The following TMEM132B variants were observed in gnomAD, a reference collection of about 807,000 sequenced individuals.
TMEM132B encodes the protein transmembrane protein 132B.
Under a neutral mutation model 90.8 loss-of-function variants are expected in TMEM132B, and 18 were observed. The ratio of observed to expected loss-of-function variants is 0.20; its 90% CI spans 0.14 to 0.29. The LOEUF (loss-of-function observed/expected upper bound fraction) is 0.29. TMEM132B is among the 10% of genes least tolerant of loss of function. The pLI, the probability that TMEM132B is intolerant of heterozygous loss-of-function variation, is 1.00. For synonymous variants in TMEM132B, 504 were observed against 523.3 expected, an observed-to-expected ratio of 0.96 and a Z score of 0.50; for missense variants, 1,096 against 1,326.8, an observed-to-expected ratio of 0.83 and a Z score of 2.70.
chr12:125,622,745 T>C (rs1886141295), intron 5 of TMEM132B: 1 of 771,158 alleles, frequency 1.3e-6, no homozygotes, highest in Non-Finnish European at 1.6e-6. Flanking sequence ...CTGGAGCAAG[T>C]GGTGGGGAGG....
chr12:125,201,861 C>T (rs908683721), intron 1 of TMEM132B, among the ~76,000 whole-genome samples: 11 of 152,186 alleles, frequency 7.2e-5, no homozygotes, highest in African/African-American at 2.7e-4. Context: ...TCAGTGAACA[C>T]CTACTATGTG....
chr12:125,451,662 A>C (rs1340952175), intron 3 of TMEM132B, among the ~76,000 whole-genome samples: 1 of 150,990 alleles, frequency 6.6e-6, no homozygotes, highest in Non-Finnish European at 1.5e-5. Context: ...ATGCTTTGGC[A>C]GTTACCTCGT....
At chr12:125,523,970 G>T (rs933357085) in intron 4 of TMEM132B, among the ~76,000 whole-genome samples, 2 of 152,310 alleles carry the variant, frequency 1.3e-5, no homozygotes, top group South Asian at 2.1e-4. Flanking sequence ...CCCCAGGGGG[G>T]ATGTGGACAG....
At chr12:125,373,080 G>A (rs325088) in intron 2 of TMEM132B, among the ~76,000 whole-genome samples, 95,723 of 152,172 alleles carry the variant, frequency 0.63, 30,929 homozygotes, top group East Asian at 0.94. Flanking sequence ...GCCACCTGAA[G>A]TGAAGTTATT....
At chr12:125,611,925 T>A (rs552408649) in intron 5 of TMEM132B, among the ~76,000 whole-genome samples, 96 of 152,204 alleles carry the variant, frequency 6.3e-4, no homozygotes, top group African/African-American at 2.3e-3. Flanking sequence ...GTCAAATTCG[T>A]TTATAATGTG....
intron 5 of TMEM132B, chr12:125,622,561 C>T (rs752664286): frequency 5.1e-6 from 5 of 985,256 alleles, no homozygotes; most frequent in African/African-American, 3.5e-5. Flanking sequence ...AAGCCTTCCT[C>T]GGTGACTTGC....
chr12:125,475,622 G>A (rs941373704), intron 3 of TMEM132B, among the ~76,000 whole-genome samples: 1 of 152,200 alleles, frequency 6.6e-6, no homozygotes, highest in African/African-American at 2.4e-5. Flanking sequence ...GATGTTTCCT[G>A]CCCTTGAACA....
rs190956082 is a variant in TMEM132B, at chr12:125,609,289, C to G, written c.1437+25295C>G. On this transcript the variant is annotated intron_variant, in intron 5 of 8. Transcript: ENST00000682704. The stretch of plus-strand genomic sequence containing the variant: ...ATTTCTATTCCATTGAATCATATGT[C>G]TATCTTATGTCAACATCACACTCTC... 1.6e-3 allele frequency among the ~76,000 whole-genome samples: 248 copies of G among 152,222 alleles called. 1 individual carries two copies. Among genetic ancestry groups the G allele is most frequent in the African/African-American group, 5.6e-3 (233 of 41,544 alleles).
Position 125,652,852 on chromosome 12 carries a change from C to A in TMEM132B, c.2106+220C>A, listed in dbSNP as rs148008525. Among the ~76,000 whole-genome samples, 27 of 152,354 alleles carry A rather than the reference C, an allele frequency of 1.8e-4. No individual in the cohort carries two copies. The East Asian group carries it at 4.2e-3, about 24-fold the overall frequency. ...TTTCCACGCTGACCACATCCTTATA[C>A]GCCATTTGCTTTCCCCTGGGCTTAT... On this transcript the variant is annotated intron_variant, in intron 8 of 8. Transcript: ENST00000682704.
In TMEM132B at chr12:125,186,947, G is replaced by A. The variant is rs1310858300; in HGVS notation, c.67+81G>A. 6.6e-6 allele frequency: 1 copy of A among 152,256 alleles called. No individual in the cohort carries two copies. The highest frequency in any genetic ancestry group is 2.4e-5 in the African/African-American group (1 of 41,462). 9.4% of individuals were successfully genotyped at this position (152,256 alleles called of 1,614,324 possible). ...GAACGGGCGGCTACCTCCTTCTCAA[G>A]TCCCTGGCAGCGCGCATCTCCCGGA... On this transcript the variant is annotated intron_variant, in intron 1 of 8. Transcript: ENST00000682704. This position sits in a 1 kb window ranked among gnomAD's most constrained non-coding sequence, Gnocchi z 6.3.
intron 4 of TMEM132B, among the ~76,000 whole-genome samples, chr12:125,530,627 C>T (rs1379057462): frequency 1.3e-5 from 2 of 152,234 alleles, no homozygotes; most frequent in African/African-American, 4.8e-5. Flanking sequence ...CTCCCTCTGA[C>T]GCCTCCAGGG....
At chr12:125,399,513 GTGTGTA>G (rs1879255904) in intron 2 of TMEM132B, among the ~76,000 whole-genome samples, 1 of 146,234 alleles carries the variant, frequency 6.8e-6, no homozygotes, top group South Asian at 2.2e-4. Context: ...GTGTGTGTGT[GTGTGTA>G]TTGAGGGATG....
intron 4 of TMEM132B, among the ~76,000 whole-genome samples, chr12:125,568,334 C>A (rs770101360): frequency 1.4e-4 from 22 of 152,152 alleles, no homozygotes; most frequent in Non-Finnish European, 2.9e-4. Flanking sequence ...GCATAATAAT[C>A]ACATCAAGGT....
At chr12:125,243,823 C>T (rs1874145365) in intron 1 of TMEM132B, among the ~76,000 whole-genome samples, 1 of 152,130 alleles carries the variant, frequency 6.6e-6, no homozygotes, top group Non-Finnish European at 1.5e-5. Flanking sequence ...TTTTCTGTTT[C>T]TGCAGACCTG....
intron 4 of TMEM132B, among the ~76,000 whole-genome samples, chr12:125,567,734 A>T (rs1884692556): frequency 6.6e-6 from 1 of 152,346 alleles, no homozygotes; most frequent in Middle Eastern, 3.4e-3. Flanking sequence ...CGGTCCTGTG[A>T]CAGCCAGAAG....
intron 1 of TMEM132B, among the ~76,000 whole-genome samples, chr12:125,328,345 G>A (rs1164531649): frequency 6.6e-6 from 1 of 152,176 alleles, no homozygotes; most frequent in Non-Finnish European, 1.5e-5. Context: ...TGCCCATGCT[G>A]TTTCCTCTGC....
At chr12:125,352,503 C>G (rs965688072) in intron 2 of TMEM132B, among the ~76,000 whole-genome samples, 2 of 152,202 alleles carry the variant, frequency 1.3e-5, no homozygotes, top group Non-Finnish European at 2.9e-5. Context: ...AGTCACTTAT[C>G]GTCTCTGGAC....
intron 3 of TMEM132B, among the ~76,000 whole-genome samples, chr12:125,453,831 A>G (rs1173744425): frequency 1.3e-5 from 2 of 152,154 alleles, no homozygotes; most frequent in Non-Finnish European, 2.9e-5. Flanking sequence ...CAAACCCCAG[A>G]GCATGCAGGA....
At chr12:125,253,294 G>T (rs1305660156) in intron 1 of TMEM132B, among the ~76,000 whole-genome samples, 3 of 152,178 alleles carry the variant, frequency 2.0e-5, no homozygotes, top group Non-Finnish European at 4.4e-5. Flanking sequence ...ACTGCGTTAA[G>T]TCCATTAATG....
Sources: gnomAD v4.1 joint callset for allele counts (sites outside exome capture counted in the v4.1 genomes callset) on GRCh38, gnomAD v4.1.1 for gene constraint, Gnocchi (gnomAD v3.1) non-coding constraint, MANE v1.5 for transcripts, NCBI Gene and HGNC (gene_info 2026-07-23, HGNC 2026-07-21) for gene names.